The following FKBP5 variants were observed in gnomAD, a reference collection of about 807,000 sequenced individuals.
FKBP5 encodes the protein FKBP prolyl isomerase 5.
Under a neutral mutation model 50.5 loss-of-function variants are expected in FKBP5, and 23 were observed. The observed-to-expected ratio is 0.46, with a 90% CI of 0.33 to 0.65. The LOEUF is 0.65. Among genes scored for constraint, FKBP5 ranks in the 30% least tolerant of loss-of-function variants. FKBP5 has a pLI of 0.02. For synonymous variants in FKBP5, 176 were observed against 190.6 expected, an observed-to-expected ratio of 0.92 and a Z score of 0.63; for missense variants, 411 against 553.1, an observed-to-expected ratio of 0.74 and a Z score of 2.58.
intron 5 of FKBP5, among the ~76,000 whole-genome samples, chr6:35,605,159 A>G (rs1763268999): frequency 6.6e-6 from 1 of 152,032 alleles, no homozygotes; most frequent in African/African-American, 2.4e-5. Context: ...CCCACTCCAC[A>G]TGGGGTGATT....
intron 1 of FKBP5, among the ~76,000 whole-genome samples, chr6:35,658,274 C>T (rs539701825): frequency 9.2e-5 from 14 of 151,706 alleles, no homozygotes; most frequent in Non-Finnish European, 1.9e-4. Context: ...ACTCAGGAGG[C>T]TGAGACAGGA....
At chr6:35,588,294 C>T (rs1354288425) in intron 7 of FKBP5, among the ~76,000 whole-genome samples, 2 of 151,968 alleles carry the variant, frequency 1.3e-5, no homozygotes, top group South Asian at 2.1e-4. Flanking sequence ...GGATTACAGG[C>T]GTGAGCTACC....
intron 3 of FKBP5, among the ~76,000 whole-genome samples, chr6:35,633,791 C>T (rs954390498): frequency 6.6e-6 from 1 of 152,094 alleles, no homozygotes; most frequent in Non-Finnish European, 1.5e-5. Context: ...ATCACATAAG[C>T]TCTCCACAGA....
chr6:35,652,471 G>A (rs1764831319), intron 1 of FKBP5, among the ~76,000 whole-genome samples: 1 of 152,140 alleles, frequency 6.6e-6, no homozygotes, highest in South Asian at 2.1e-4. Flanking sequence ...CGCACCTAGG[G>A]GTAGGTCTCT....
chr6:35,589,216 C>T (rs1762738371), intron 7 of FKBP5, among the ~76,000 whole-genome samples: 1 of 149,228 alleles, frequency 6.7e-6, no homozygotes, highest in Admixed American at 6.7e-5. Flanking sequence ...GCAACCTCCA[C>T]CTCCTGGGTT....
chr6:35,577,298 A>G, intron 9 of FKBP5, 65 bp from the exon 10 acceptor site: 6 of 1,435,134 alleles, frequency 4.2e-6, no homozygotes, highest in African/African-American at 1.4e-5. Flanking sequence ...ACAGCTTACC[A>G]AAGTTCTCTT....
chr6:35,728,292 T>A (rs1050687251), intron 1 of FKBP5, among the ~76,000 whole-genome samples: 1 of 152,090 alleles, frequency 6.6e-6, no homozygotes, highest in Non-Finnish European at 1.5e-5. Context: ...TACGGCCCGC[T>A]CCTCTGCTCG....
intron 2 of FKBP5, among the ~76,000 whole-genome samples, chr6:35,707,399 T>G (rs1292366224): frequency 6.6e-6 from 1 of 151,730 alleles, no homozygotes; most frequent in Non-Finnish European, 1.5e-5. Context: ...TTTTTTTGTA[T>G]TTTTAGTAGA....
intron 2 of FKBP5, among the ~76,000 whole-genome samples, chr6:35,702,062 G>C (rs1766198846): frequency 6.6e-6 from 1 of 151,900 alleles, no homozygotes; most frequent in African/African-American, 2.4e-5. Flanking sequence ...TGGCCTGGCT[G>C]GTCTGGAACT....
Position 35,652,324 on chromosome 6 carries a change from T to A in FKBP5, c.-19-9481A>T, listed in dbSNP as rs535478548. On this transcript the variant is annotated intron_variant, in intron 1 of 10. Coordinates refer to ENST00000357266, the MANE Select transcript of FKBP5 (RefSeq NM_004117.4). The stretch of plus-strand genomic sequence containing the variant: ...AGGATAACAGCAATTGTTCAGGGAA[T>A]AAGAGAGATAACCTTAAACTCTGAC... Among the ~76,000 whole-genome samples, 538 of 152,312 alleles carry A rather than the reference T, an allele frequency of 3.5e-3. 7 individuals are homozygous for A. The highest frequency in any genetic ancestry group is 0.012 in the African/African-American group (512 of 41,558).
rs1400400057 is a variant in FKBP5 at position 35,576,975 on chromosome 6, CAT to C, written c.1266+17_1266+18del. On this transcript the variant is annotated intron_variant, in intron 10 of 10. Transcript: ENST00000357266. ...GTCAGGCTCTTGATCCACCTGCAGTCATCAGGCTCTGCACACACCTTGGCATC... is the reference window on the plus strand; with the variant it reads ...GTCAGGCTCTTGATCCACCTGCAGTCCAGGCTCTGCACACACCTTGGCATC... 3 of 1,612,452 alleles carry C rather than the reference CAT, an allele frequency of 1.9e-6. No individual in the cohort carries two copies. The South Asian group carries it at 3.3e-5, about 18-fold the overall frequency.
intron 2 of FKBP5, among the ~76,000 whole-genome samples, chr6:35,706,134 A>G (rs907972445): frequency 1.3e-5 from 2 of 151,864 alleles, no homozygotes; most frequent in Admixed American, 6.6e-5. Flanking sequence ...TTAGAAATAC[A>G]TAAGAGGGGC....
At chr6:35,712,413 G>A (rs149639280) in intron 2 of FKBP5, among the ~76,000 whole-genome samples, 1 of 152,070 alleles carries the variant, frequency 6.6e-6, no homozygotes, top group Non-Finnish European at 1.5e-5. Context: ...CCCAGAAGGG[G>A]GTAAGGAGGG....
At chr6:35,600,056 T>C (rs1041919607) in intron 5 of FKBP5, among the ~76,000 whole-genome samples, 2 of 152,202 alleles carry the variant, frequency 1.3e-5, no homozygotes, top group Non-Finnish European at 2.9e-5. Context: ...GTATAGCATG[T>C]TATTGTACTG....
At chr6:35,650,206 T>C (rs1278137709) in intron 1 of FKBP5, among the ~76,000 whole-genome samples, 1 of 150,220 alleles carries the variant, frequency 6.7e-6, no homozygotes, top group Admixed American at 6.7e-5. Flanking sequence ...AATACACGCC[T>C]GTGGTCCCAG....
At chr6:35,723,963 C>A (rs1312195008) in intron 1 of FKBP5, among the ~76,000 whole-genome samples, 1 of 152,260 alleles carries the variant, frequency 6.6e-6, no homozygotes, top group Admixed American at 6.5e-5. Context: ...CTTAGGCAAG[C>A]AACTTAGCTG....
chr6:35,668,618 GT>G (rs940122948), intron 1 of FKBP5, among the ~76,000 whole-genome samples: 87 of 150,806 alleles, frequency 5.8e-4, no homozygotes, highest in African/African-American at 2.1e-3. Context: ...CTCTTTTGTT[GT>G]TTTTTTTCTT....
intron 9 of FKBP5, among the ~76,000 whole-genome samples, chr6:35,578,637 C>T (rs973487582): frequency 3.3e-5 from 5 of 151,422 alleles, no homozygotes; most frequent in Middle Eastern, 3.2e-3. Context: ...GTGTGGTGGT[C>T]GGCACCTGTG....
At chr6:35,607,288 T>C (rs746639001) in intron 5 of FKBP5, among the ~76,000 whole-genome samples, 3 of 151,616 alleles carry the variant, frequency 2.0e-5, no homozygotes, top group Non-Finnish European at 4.4e-5. Context: ...TAGACTGCAG[T>C]GGTATAAATG....
Sources: gnomAD v4.1 joint callset for allele counts (sites outside exome capture counted in the v4.1 genomes callset) on GRCh38, gnomAD v4.1.1 for gene constraint, MANE v1.5 for transcripts, NCBI Gene and HGNC (gene_info 2026-07-23, HGNC 2026-07-21) for gene names.